The following ANKFN1 variants were observed in gnomAD, a reference collection of about 807,000 sequenced individuals.
ANKFN1 encodes ankyrin repeat and fibronectin type III domain containing 1.
A neutral mutation model predicts 108.7 loss-of-function variants in ANKFN1; 74 were observed. That is an observed-to-expected ratio of 0.68 (90% CI 0.56 to 0.83). The LOEUF (loss-of-function observed/expected upper bound fraction) is 0.83, where lower values mean the gene tolerates loss of function less well. ANKFN1 is among the 40% of genes least tolerant of loss of function. The pLI, the probability that ANKFN1 is intolerant of heterozygous loss-of-function variation, is 0.00. For synonymous variants in ANKFN1, 547 were observed against 516.2 expected (o/e 1.06, Z -0.81); for missense variants, 1,505 against 1,382.3 (o/e 1.09, Z -1.41).
chr17:56,315,590 G>T (rs73311735), intron 3 of ANKFN1, among the ~76,000 whole-genome samples: 6 of 152,114 alleles, frequency 3.9e-5, no homozygotes, highest in South Asian at 2.1e-4. Flanking sequence ...TCCATTCAAC[G>T]CCTTTGCTGT....
At chr17:56,053,121 T>C (rs1224115823) in intron 4 of ANKFN1, among the ~76,000 whole-genome samples, 2 of 152,224 alleles carry the variant, frequency 1.3e-5, no homozygotes, top group Non-Finnish European at 2.9e-5. Context: ...ATACTTTTTG[T>C]AGGGGCTTTG....
chr17:56,087,968 TTGTGTGTGTGTGTC>T (rs1905347220), intron 4 of ANKFN1, among the ~76,000 whole-genome samples: 1 of 150,652 alleles, frequency 6.6e-6, no homozygotes, highest in African/African-American at 2.4e-5. Context: ...GTGTATGTGT[TTGTGTGTGTGTGTC>T]TGTGTGTGTG....
chr17:56,167,318 C>CATATATATAT (rs72496812), intron 1 of ANKFN1, among the ~76,000 whole-genome samples: 12 of 133,246 alleles, frequency 9.0e-5, no homozygotes, highest in Non-Finnish European at 1.6e-4. Flanking sequence ...CACACACACA[C>CATATATATAT]ATATATATAT....
In ANKFN1 at chr17:56,370,316, G is replaced by A. The variant is rs78087392; in HGVS notation, c.602-2330G>A. Among the ~76,000 whole-genome samples, 503 of 152,270 alleles carry A rather than the reference G, an allele frequency of 3.3e-3. 15 individuals carry two copies. In the East Asian group the frequency reaches 0.063, roughly 19 times the overall value. On this transcript the variant is annotated intron_variant, in intron 6 of 20. Coordinates refer to ENST00000682825, the MANE Select transcript of ANKFN1 (RefSeq NM_001370326.1). ...GAAAGGGAAAATGCAGAAACAAAAT[G>A]TGTGGTTCTAGGGAAAGCAGAAAAA...
In ANKFN1 at chr17:56,462,487, G is replaced by A. The variant is rs187638707; in HGVS notation, c.1558-3869G>A. ...CGCATGCCTATAATCCCTGCTGCTC[G>A]GGAGGCTAAGGCAGGAGAATCACTT... On this transcript the variant is annotated intron_variant, in intron 14 of 20. Transcript: ENST00000682825. 8.5e-5 allele frequency among the ~76,000 whole-genome samples: 13 copies of A among 152,238 alleles called. 1 individual carries two copies. Among genetic ancestry groups the A allele is most frequent in the South Asian group, 4.1e-4 (2 of 4,826 alleles).
chr17:56,066,885 G>A (rs8070838), intron 4 of ANKFN1, among the ~76,000 whole-genome samples: 125,084 of 152,192 alleles, frequency 0.82, 52,070 homozygotes, highest in African/African-American at 0.94. Context: ...ATGTTGTAAC[G>A]TGTGTCAAAA....
chr17:56,165,057 T>G (rs1910022569), intron 1 of ANKFN1, among the ~76,000 whole-genome samples: 1 of 152,234 alleles, frequency 6.6e-6, no homozygotes, highest in Admixed American at 6.5e-5. Flanking sequence ...TCCTGTAAAA[T>G]AGGTTCACTC....
chr17:56,469,106 A>G (rs1244398632), intron 15 of ANKFN1, among the ~76,000 whole-genome samples: 7 of 152,116 alleles, frequency 4.6e-5, no homozygotes, highest in African/African-American at 7.2e-5. Context: ...CAATCTGGTG[A>G]AAGGTTGTTA....
At chr17:56,072,128 A>G (rs554456377) in intron 4 of ANKFN1, among the ~76,000 whole-genome samples, 1 of 152,342 alleles carries the variant, frequency 6.6e-6, no homozygotes, top group South Asian at 2.1e-4. Flanking sequence ...TGTATACAGT[A>G]TTCTGCTGCA....
chr17:56,455,623 A>G (rs562208156), intron 11 of ANKFN1, among the ~76,000 whole-genome samples: 1 of 152,268 alleles, frequency 6.6e-6, no homozygotes, highest in East Asian at 1.9e-4. Context: ...TTTTCCCTTC[A>G]TTGCATAGAA....
intron 3 of ANKFN1, among the ~76,000 whole-genome samples, chr17:56,321,461 GAAA>G (rs34327424): frequency 3.0e-5 from 3 of 99,064 alleles, no homozygotes; most frequent in Non-Finnish European, 4.6e-5. Context: ...CACTCCCTAA[GAAA>G]AAAAAAAAAA....
chr17:56,236,552 C>T (rs1397171924), intron 3 of ANKFN1, among the ~76,000 whole-genome samples: 1 of 152,044 alleles, frequency 6.6e-6, no homozygotes, highest in African/African-American at 2.4e-5. Flanking sequence ...TATCCTGAAA[C>T]TTTGCCGAAG....
At chr17:56,139,158 T>C (rs2143385069) in intron 4 of ANKFN1, among the ~76,000 whole-genome samples, 1 of 152,304 alleles carries the variant, frequency 6.6e-6, no homozygotes, top group Non-Finnish European at 1.5e-5. Context: ...ATTATTAAAA[T>C]CCTTGACAAA....
At chr17:56,426,513 G>A (rs1162588222) in intron 8 of ANKFN1, among the ~76,000 whole-genome samples, 1 of 152,110 alleles carries the variant, frequency 6.6e-6, no homozygotes, top group Non-Finnish European at 1.5e-5. Flanking sequence ...TGCATTTTAG[G>A]TCAAAGCTAC....
intron 3 of ANKFN1, among the ~76,000 whole-genome samples, chr17:56,292,967 T>TATTC (rs1413090032): frequency 2.0e-5 from 3 of 152,224 alleles, no homozygotes; most frequent in Non-Finnish European, 4.4e-5. Flanking sequence ...TTGCCTTGCA[T>TATTC]ATTCATTCAT....
intron 3 of ANKFN1, among the ~76,000 whole-genome samples, chr17:56,275,008 C>CTAA (rs2043887955): frequency 6.6e-6 from 1 of 152,172 alleles, no homozygotes; most frequent in African/African-American, 2.4e-5. Context: ...ATTAAGTGAG[C>CTAA]TAATGCATGG....
At chr17:56,259,849 A>G (rs2043459694) in intron 3 of ANKFN1, among the ~76,000 whole-genome samples, 1 of 151,576 alleles carries the variant, frequency 6.6e-6, no homozygotes, top group African/African-American at 2.4e-5. Context: ...TTTCAGTCCC[A>G]TTCTACCAGG....
intron 20 of ANKFN1, among the ~76,000 whole-genome samples, chr17:56,506,291 T>A (rs2051563343): frequency 6.6e-6 from 1 of 151,134 alleles, no homozygotes; most frequent in South Asian, 2.1e-4. Context: ...AAAGGGTCAT[T>A]GCAGATGAAA....
chr17:56,435,621 G>A (rs532158914), intron 8 of ANKFN1, among the ~76,000 whole-genome samples: 1 of 152,282 alleles, frequency 6.6e-6, no homozygotes, highest in South Asian at 2.1e-4. Flanking sequence ...GTGATGTTTG[G>A]TTAAGACGAA....
Sources: allele counts gnomAD v4.1 joint callset (sites outside exome capture counted in the v4.1 genomes callset), GRCh38; gene constraint gnomAD v4.1.1; transcripts MANE v1.5; gene names NCBI Gene and HGNC (gene_info 2026-07-23, HGNC 2026-07-21).